The following LUZP2 variants were observed in gnomAD, a reference collection of about 807,000 sequenced individuals.
The protein encoded by LUZP2 is leucine zipper protein 2.
A neutral mutation model predicts 51.6 loss-of-function variants in LUZP2; 52 were observed. That is an observed-to-expected ratio of 1.01 (90% confidence interval 0.81 to 1.27). The LOEUF is 1.27. LUZP2 is among the 50% of genes most tolerant of loss of function. The pLI is 0.00. For missense variants in LUZP2, 436 were observed against 395.4 expected, an observed-to-expected ratio of 1.10 and a Z score of -0.87; for synonymous variants, 154 against 137.3, an observed-to-expected ratio of 1.12 and a Z score of -0.85.
intron 9 of LUZP2, among the ~76,000 whole-genome samples, chr11:25,030,937 A>C (rs1210113323): frequency 8.3e-4 from 1 of 1,202 alleles, no homozygotes; most frequent in Non-Finnish European, 1.3e-3. Flanking sequence ...TATAATATAT[A>C]TTATATATAT....
At chr11:24,827,681 G>A (rs1052470876) in intron 5 of LUZP2, among the ~76,000 whole-genome samples, 14 of 152,238 alleles carry the variant, frequency 9.2e-5, no homozygotes, top group African/African-American at 3.4e-4. Flanking sequence ...GACCAGGCAA[G>A]GGCTTGTGGT....
intron 1 of LUZP2, among the ~76,000 whole-genome samples, chr11:24,671,182 T>C (rs951037366): frequency 6.6e-6 from 1 of 151,916 alleles, no homozygotes; most frequent in Non-Finnish European, 1.5e-5. Context: ...CAAGAAAAAA[T>C]TGGTATTTGC....
At chr11:24,949,320 CTATCTATCTATCTCTCTA>C in intron 7 of LUZP2, among the ~76,000 whole-genome samples, 1 of 56,400 alleles carries the variant, frequency 1.8e-5, no homozygotes, top group South Asian at 5.2e-4. Flanking sequence ...ATCTATCTAT[CTATCTATCTATCTCTCTA>C]TCTATCTATG....
In LUZP2 at chr11:24,905,291, C is replaced by A. The variant is rs1019213607; in HGVS notation, c.397-700C>A. Among the ~76,000 whole-genome samples the A allele has an allele frequency of 7.2e-5, 11 of 152,142 alleles. No homozygotes were observed. The East Asian group carries it at 2.1e-3, about 29-fold the overall frequency. ...CTGTAATCCCAGCACTTTGTGAGGC[C>A]GAGGCAGGCCGATCACCTGAGGTCA... On this transcript the variant is annotated intron_variant, in intron 5 of 11. Transcript: ENST00000336930.
intron 1 of LUZP2, among the ~76,000 whole-genome samples, chr11:24,589,322 C>A (rs1402128610): frequency 1.3e-5 from 2 of 152,134 alleles, no homozygotes; most frequent in Non-Finnish European, 2.9e-5. Context: ...TCCTACCTCA[C>A]AAAGTGGCTG....
At chr11:25,067,523 T>G (rs1318742152) in intron 10 of LUZP2, among the ~76,000 whole-genome samples, 1 of 151,834 alleles carries the variant, frequency 6.6e-6, no homozygotes, top group Non-Finnish European at 1.5e-5. Flanking sequence ...GTATTACATT[T>G]AAGTTTTTCA....
chr11:24,626,691 A>G (rs1241121415), intron 1 of LUZP2, among the ~76,000 whole-genome samples: 2 of 152,182 alleles, frequency 1.3e-5, no homozygotes, highest in Non-Finnish European at 2.9e-5. Context: ...TTGTGAATCA[A>G]CTCTGTGGGC....
At chr11:24,777,401 C>G (rs1848967190) in intron 5 of LUZP2, among the ~76,000 whole-genome samples, 1 of 151,920 alleles carries the variant, frequency 6.6e-6, no homozygotes, top group Non-Finnish European at 1.5e-5. Context: ...TCCATTTAAA[C>G]AAGTTGGAAA....
chr11:24,602,164 ATG>A (rs796086362), intron 1 of LUZP2, among the ~76,000 whole-genome samples: 1,532 of 69,948 alleles, frequency 0.022, 90 homozygotes, highest in African/African-American at 0.09. Context: ...ATATGTATAT[ATG>A]TGTATATATA....
chr11:24,644,210 T>G (rs1195418789), intron 1 of LUZP2, among the ~76,000 whole-genome samples: 1 of 152,144 alleles, frequency 6.6e-6, no homozygotes, highest in Admixed American at 6.6e-5. Flanking sequence ...CATTATCCTG[T>G]TTGGATGGAA....
chr11:25,030,913 T>TATATATATATTATA lies in LUZP2; in HGVS notation c.766-19125_766-19124insATATATATATTATA, dbSNP rs1565254339. On this transcript the variant is annotated intron_variant, in intron 9 of 11. Coordinates refer to ENST00000336930, the MANE Select transcript of LUZP2 (RefSeq NM_001009909.4). Reference sequence around the variant, plus strand: ...ATATTATATATATATATAATATATATTGTATTATATATATATAATATATAT... The same window carrying TATATATATATTATA: ...ATATTATATATATATATAATATATATATATATATATTATATGTATTATATATATATAATATATAT... 1.8e-4 allele frequency among the ~76,000 whole-genome samples: 3 copies of TATATATATATTATA among 16,528 alleles called. 1 individual carries two copies. Among genetic ancestry groups the TATATATATATTATA allele is most frequent in the African/African-American group, 9.8e-4 (3 of 3,064 alleles). 10.8% of individuals were successfully genotyped at this position (16,528 alleles called of 152,430 possible).
chr11:24,801,414 G>T (rs1482050404), intron 5 of LUZP2, among the ~76,000 whole-genome samples: 2 of 151,934 alleles, frequency 1.3e-5, no homozygotes, highest in African/African-American at 4.8e-5. Flanking sequence ...GTGATGTATT[G>T]TGTTTGGAGG....
At chr11:24,825,291 A>C (rs1373267031) in intron 5 of LUZP2, among the ~76,000 whole-genome samples, 1 of 152,216 alleles carries the variant, frequency 6.6e-6, no homozygotes, top group Non-Finnish European at 1.5e-5. Context: ...TTAGTAAGAA[A>C]ACTTTTATTG....
chr11:24,626,090 G>T (rs1022083452), intron 1 of LUZP2, among the ~76,000 whole-genome samples: 1 of 152,048 alleles, frequency 6.6e-6, no homozygotes, highest in Non-Finnish European at 1.5e-5. Context: ...TGTCAACCTC[G>T]GAGGGTTATT....
At chr11:24,961,972 G>A (rs371171241) in intron 7 of LUZP2, among the ~76,000 whole-genome samples, 5 of 151,916 alleles carry the variant, frequency 3.3e-5, no homozygotes, top group East Asian at 3.9e-4. Flanking sequence ...GCATTTGCTT[G>A]TCTGTAAAGT....
chr11:25,074,785 A>G (rs1859252252), intron 10 of LUZP2, among the ~76,000 whole-genome samples: 1 of 152,062 alleles, frequency 6.6e-6, no homozygotes, highest in African/African-American at 2.4e-5. Context: ...CAGAATTATC[A>G]CCCTGGTGTG....
chr11:24,501,838 A>AAAACTTTACAC (rs1471174733), intron 1 of LUZP2, among the ~76,000 whole-genome samples: 1 of 152,224 alleles, frequency 6.6e-6, no homozygotes, highest in African/African-American at 2.4e-5. Flanking sequence ...AAATAACAAC[A>AAAACTTTACAC]AAATTTTACA....
chr11:24,877,992 G>A (rs1238584149), intron 5 of LUZP2, among the ~76,000 whole-genome samples: 7 of 151,254 alleles, frequency 4.6e-5, no homozygotes, highest in South Asian at 2.1e-4. Flanking sequence ...CCACATTTTC[G>A]TTATCTCTTC....
At chr11:24,561,878 A>C (rs1039717445) in intron 1 of LUZP2, among the ~76,000 whole-genome samples, 1 of 151,746 alleles carries the variant, frequency 6.6e-6, no homozygotes, top group African/African-American at 2.4e-5. Context: ...TGTAGAAAAA[A>C]GCACTTAAAG....
Sources: allele counts gnomAD v4.1 joint callset (sites outside exome capture counted in the v4.1 genomes callset), GRCh38; gene constraint gnomAD v4.1.1; transcripts MANE v1.5; gene names NCBI Gene and HGNC (gene_info 2026-07-23, HGNC 2026-07-21).